The following ZC3H12B variants were observed in gnomAD, a reference collection of about 807,000 sequenced individuals.
ZC3H12B encodes the protein zinc finger CCCH-type containing 12B.
A neutral mutation model predicts 43.9 loss-of-function variants in ZC3H12B; 7 were observed. That is an observed-to-expected ratio of 0.16 (90% CI 0.09 to 0.30). The LOEUF is 0.30. Ranked by LOEUF, ZC3H12B falls within the 10% of genes least tolerant of loss-of-function variation. The pLI, the probability that ZC3H12B is intolerant of heterozygous loss-of-function variation, is 1.00. For missense variants in ZC3H12B, 475 were observed against 670.2 expected, an observed-to-expected ratio of 0.71 and a Z score of 3.22; for synonymous variants, 222 against 241.7, an observed-to-expected ratio of 0.92 and a Z score of 0.76.
At chrX:65,476,534 G>C (rs2067993922) in intron 3 of ZC3H12B, among the ~76,000 whole-genome samples, 1 of 111,603 alleles carries the variant, frequency 9.0e-6, no homozygotes, top group Non-Finnish European at 1.9e-5. Flanking sequence ...TACTTTTATG[G>C]GTTTATTTAA....
the ZC3H12B span, among the ~76,000 whole-genome samples, chrX:65,070,864 C>G: frequency 3.4e-5 from 3 of 88,750 alleles, no homozygotes; most frequent in Admixed American, 1.4e-4. Context: ...TGTCTTATGT[C>G]CAATTGCATG....
intron 3 of ZC3H12B, among the ~76,000 whole-genome samples, chrX:65,432,033 T>C (rs113977635): frequency 9.0e-6 from 1 of 111,351 alleles, no homozygotes; most frequent in African/African-American, 3.3e-5. Context: ...TGAACCTAGG[T>C]CACTCCCCAT....
the ZC3H12B span, among the ~76,000 whole-genome samples, chrX:65,184,400 C>T: frequency 9.0e-6 from 1 of 111,106 alleles, no homozygotes; most frequent in Admixed American, 9.7e-5. Context: ...CTGTGGGTTT[C>T]ACAGCAAGCA....
the ZC3H12B span, among the ~76,000 whole-genome samples, chrX:65,347,898 A>C: frequency 8.9e-6 from 1 of 112,538 alleles, no homozygotes. Flanking sequence ...ATGGAATACC[A>C]TGCAGCCATA....
the ZC3H12B span, among the ~76,000 whole-genome samples, chrX:65,175,273 C>A: frequency 1.8e-5 from 2 of 111,872 alleles, no homozygotes; most frequent in Admixed American, 9.5e-5. Flanking sequence ...GAAATTACCC[C>A]CCTCTGCATT....
the ZC3H12B span, among the ~76,000 whole-genome samples, chrX:65,273,424 A>G: frequency 1.8e-5 from 2 of 111,203 alleles, no homozygotes; most frequent in Non-Finnish European, 3.8e-5. Context: ...AAAAAAAAGG[A>G]AAAGAGTAAA....
At chrX:65,345,024 T>A in the ZC3H12B span, among the ~76,000 whole-genome samples, 1 of 112,047 alleles carries the variant, frequency 8.9e-6, no homozygotes, top group African/African-American at 3.2e-5. Context: ...CCAGTCAAAA[T>A]GGCTATTAAA....
At chrX:65,193,343 A>G in the ZC3H12B span, among the ~76,000 whole-genome samples, 3 of 110,531 alleles carry the variant, frequency 2.7e-5, no homozygotes, top group African/African-American at 9.8e-5. Flanking sequence ...TCAGTTTTGA[A>G]TTTTTTCATG....
At chrX:65,169,992 G>A in the ZC3H12B span, among the ~76,000 whole-genome samples, 1 of 111,817 alleles carries the variant, frequency 8.9e-6, no homozygotes, top group Non-Finnish European at 1.9e-5. Context: ...TATCCAATTT[G>A]CCAGTCTGTG....
chrX:65,042,668 G>A, the ZC3H12B span, among the ~76,000 whole-genome samples: 5 of 112,140 alleles, frequency 4.5e-5, no homozygotes, highest in African/African-American at 1.6e-4. Context: ...ATTTGTTTGT[G>A]AACCACTGAC....
chrX:65,373,947 T>TTATA (rs757776386), intron 2 of ZC3H12B, among the ~76,000 whole-genome samples: 1 of 45,785 alleles, frequency 2.2e-5, no homozygotes, highest in African/African-American at 2.2e-4. Flanking sequence ...ATATATATAG[T>TTATA]TATATATATA....
the ZC3H12B span, among the ~76,000 whole-genome samples, chrX:65,257,646 A>C: frequency 9.0e-6 from 1 of 111,043 alleles, no homozygotes; most frequent in Admixed American, 9.6e-5. Flanking sequence ...TGCCAGATAG[A>C]CTAATAAATA....
At chrX:65,433,066 C>T (rs1054040289) in intron 3 of ZC3H12B, among the ~76,000 whole-genome samples, 13 of 112,545 alleles carry the variant, frequency 1.2e-4, no homozygotes, top group South Asian at 7.3e-4. Context: ...TGGAGAGATA[C>T]GGAGAAAAAG....
the ZC3H12B span, among the ~76,000 whole-genome samples, chrX:65,188,395 A>G: frequency 2.3e-5 from 2 of 88,509 alleles, no homozygotes; most frequent in African/African-American, 8.8e-5. Context: ...CCTTCAAACT[A>G]TTATTCATAG....
the ZC3H12B span, among the ~76,000 whole-genome samples, chrX:65,296,925 A>G: frequency 8.9e-6 from 1 of 112,029 alleles, no homozygotes; most frequent in Non-Finnish European, 1.9e-5. Flanking sequence ...CAATAGCTGC[A>G]GAAAAAGAAG....
the ZC3H12B span, among the ~76,000 whole-genome samples, chrX:65,335,861 G>A: frequency 9.8e-5 from 11 of 112,019 alleles, no homozygotes; most frequent in Non-Finnish European, 1.9e-4. Flanking sequence ...AAAGTACCAC[G>A]AAATCATTTC....
At chrX:65,502,602 C>A (rs1473724892) in exon 5 of ZC3H12B, 1 of 1,210,106 alleles carries the variant, frequency 8.3e-7, no homozygotes, top group Admixed American at 2.2e-5. Flanking sequence ...TACCATGAAG[C>A]CTTAACACGA....
the ZC3H12B span, among the ~76,000 whole-genome samples, chrX:65,196,072 G>A: frequency 2.5e-4 from 28 of 110,934 alleles, no homozygotes; most frequent in Admixed American, 2.5e-3. Context: ...GTGTGTCAGC[G>A]GACTTTACTC....
intron 3 of ZC3H12B, among the ~76,000 whole-genome samples, chrX:65,447,610 G>C (rs999775671): frequency 8.9e-6 from 1 of 111,745 alleles, no homozygotes; most frequent in Admixed American, 9.6e-5. Flanking sequence ...AAACTAAAAA[G>C]CTTCTTCACA....
Sources: gnomAD v4.1 joint callset for allele counts (sites outside exome capture counted in the v4.1 genomes callset) on GRCh38, gnomAD v4.1.1 for gene constraint, MANE v1.5 for transcripts, NCBI Gene and HGNC (gene_info 2026-07-23, HGNC 2026-07-21) for gene names.